TMEM82: variants seen among roughly 807,000 people sequenced by gnomAD.
TMEM82 encodes transmembrane protein 82.
Under a neutral mutation model 29.2 loss-of-function variants are expected in TMEM82, and 30 were observed. That is an observed-to-expected ratio of 1.03 (90% CI 0.77 to 1.39). The LOEUF is 1.39. Among genes scored for constraint, TMEM82 ranks in the 40% most tolerant of loss-of-function variants. The pLI is 0.00. For missense variants in TMEM82, 442 were observed against 447.7 expected (o/e 0.99, Z 0.12); for synonymous variants, 221 against 225.4 (o/e 0.98, Z 0.18).
intron 4 of TMEM82, among the ~76,000 whole-genome samples, chr1:15,746,041 T>G (rs111833509): frequency 0.081 from 12,260 of 151,638 alleles, 587 homozygotes; most frequent in African/African-American, 0.13. Context: ...AGGGTTTTTT[T>G]TTGTTGTTGT....
intron 4 of TMEM82, among the ~76,000 whole-genome samples, chr1:15,745,577 A>G (rs200415300): frequency 6.7e-6 from 1 of 148,746 alleles, no homozygotes; most frequent in Non-Finnish European, 1.5e-5. Context: ...GAGAGAGAGA[A>G]AGAGAGAGAG....
chr1:15,742,766 C>G, intron 1 of TMEM82, 69 bp from the exon 2 acceptor site: 1 of 1,552,164 alleles, frequency 6.4e-7, no homozygotes, highest in South Asian at 1.1e-5. Context: ...CCCCTCTGAC[C>G]CTACCAATGA....
In TMEM82 at chr1:15,742,510, C is replaced by G; in HGVS notation, c.-50C>G. On this transcript the variant is annotated 5_prime_UTR_variant, in exon 1 of 6. Transcript: ENST00000375782. ...GACACCTTTGCCCAGTGACGTTGGT[C>G]TGTCCTTACGCAGACCTGGCCGGAG... 1 of 1,432,634 alleles carries G rather than the reference C, an allele frequency of 7.0e-7. No individual in the cohort carries two copies. Among genetic ancestry groups the G allele is most frequent in the Non-Finnish European group, 9.3e-7 (1 of 1,070,052 alleles). The allele number at this position is 1,432,634 out of a possible 1,614,324, so 88.7% of individuals were successfully genotyped here.
In TMEM82 at chr1:15,744,539, C is replaced by T. The variant is rs142691865; in HGVS notation, c.716C>T (p.Pro239Leu). Residue 239 changes from proline (P) to leucine (L), a missense_variant, in exon 4 of 6, where the codon CCG becomes CTG. By Grantham distance (98) the Pro-to-Leu change is moderately conservative. Transcript: ENST00000375782. The surrounding 1 kb of genome is among the most constrained non-coding windows in gnomAD (Gnocchi z 5.2). ...TCGGAGGCCATGCGGTTCTGGACAC[C>T]GCTCACCATCTGCTACACGCTGCTG... is the stretch of plus-strand genomic sequence containing the variant. ...TTSEAMRFWT[P>L]LTICYTLLVI... 3.3e-5 allele frequency: 53 copies of T among 1,612,094 alleles called. No individual in the cohort carries two copies. Among genetic ancestry groups the T allele is most frequent in the African/African-American group, 1.2e-4 (9 of 74,938 alleles).
intron 4 of TMEM82, 136 bp from the exon 5 acceptor site, chr1:15,746,731 A>T: frequency 1.4e-6 from 1 of 719,240 alleles, no homozygotes; most frequent in Non-Finnish European, 2.3e-6. Context: ...CGGAGCAGGG[A>T]TGGGGACCAG....
chr1:15,743,236 C>T (rs773038019), intron 3 of TMEM82, 42 bp downstream of exon 3: 1 of 1,572,614 alleles, frequency 6.4e-7, no homozygotes, highest in Admixed American at 1.8e-5. Context: ...ACTCCCCAGC[C>T]CAGGGCCCGG....
chr1:15,743,221 G>A (rs1351901535), intron 3 of TMEM82, 27 bp downstream of exon 3: 1 of 1,593,644 alleles, frequency 6.3e-7, no homozygotes, highest in Non-Finnish European at 8.5e-7. Context: ...GGCAGTGGGT[G>A]GATCACTCCC....
rs1435406191 is a variant in TMEM82 at position 15,742,574 on chromosome 1, A to C, written c.15A>C (p.Pro5=). 2 of 1,587,864 alleles carry C rather than the reference A, an allele frequency of 1.3e-6. No homozygotes were observed. Among genetic ancestry groups the C allele is most frequent in the Non-Finnish European group, 1.7e-6 (2 of 1,169,294 alleles). ...CCGGGGCTGCCATGTTCTCTCTTCC[A>C]TCCCTCCCCTCCTGGCTCCCCGGCC... is the stretch of plus-strand genomic sequence containing the variant. MFSL[P]SLPSWLPGLP... The change falls in exon 1 of 6, where the codon CCA becomes CCC. Residue 5 remains proline, a synonymous_variant. Coordinates refer to ENST00000375782, the MANE Select transcript of TMEM82 (RefSeq NM_001013641.3).
Position 15,744,330 on chromosome 1 carries a change from C to T in TMEM82, c.507C>T (p.Arg169=). The change falls in exon 4 of 6, where the codon CGC becomes CGT. Residue 169 remains arginine, a synonymous_variant. Transcript: ENST00000375782. The surrounding 1 kb of genome is among the most constrained non-coding windows in gnomAD (Gnocchi z 5.2). ...CGCTGCTGGGCCTGGGTGCCCGGCG[C>T]CTCCACCGCCACGTCTGCCGCCTCT... The part of the protein sequence containing the change: ...LATLLGLGAR[R]LHRHVCRLYE... The T allele has an allele frequency of 6.5e-7, 1 of 1,543,698 alleles. No homozygotes were observed. The highest frequency in any genetic ancestry group is 8.7e-7 in the Non-Finnish European group (1 of 1,148,474).
In TMEM82 at chr1:15,742,855, G is replaced by A; in HGVS notation, c.109G>A (p.Val37Ile). The A allele has an allele frequency of 6.2e-7, 1 of 1,612,780 alleles. No individual in the cohort carries two copies. Among genetic ancestry groups the A allele is most frequent in the Non-Finnish European group, 8.5e-7 (1 of 1,179,936 alleles). Reference sequence around the variant, plus strand: ...CTCAGGCCTGATCGGGGCCCTTGGAGTCTTGGTCCTGAACAGCCTCCTGAA... The same window carrying A: ...CTCAGGCCTGATCGGGGCCCTTGGAATCTTGGTCCTGAACAGCCTCCTGAA... ...LLQGLIGALG[V>I]LVLNSLLKVY... The change falls in exon 2 of 6, where the codon GTC (valine) becomes ATC (isoleucine). Residue 37 changes from valine (V) to isoleucine (I), a missense_variant. By Grantham distance (29) the Val-to-Ile change is conservative. Transcript: ENST00000375782.
Position 15,746,962 on chromosome 1 carries a change from T to C in TMEM82, c.853T>C (p.Trp285Arg). 1.2e-6 allele frequency: 2 copies of C among 1,611,634 alleles called. No individual in the cohort carries two copies. Among genetic ancestry groups the C allele is most frequent in the Non-Finnish European group, 1.7e-6 (2 of 1,179,956 alleles). ...LFVLLLTVGR[W>R]LDLLGILVSL... is the part of the protein sequence containing the mutation. ...CGTGCTGCTGCTGACTGTGGGTCGC[T>C]GGCTGGACCTGCTGGGCATCCTTGT... The change falls in exon 5 of 6, where the codon TGG becomes CGG. Residue 285 changes from tryptophan (W) to arginine (R), a missense_variant. Physicochemically the swap from Trp to Arg is moderately radical, Grantham distance 101 (BLOSUM62 -3). Transcript: ENST00000375782.
intron 4 of TMEM82, 114 bp from the exon 5 acceptor site, chr1:15,746,752 TG>T: frequency 1.2e-6 from 1 of 831,310 alleles, no homozygotes; most frequent in Non-Finnish European, 1.9e-6. Flanking sequence ...GAGGATGTGA[TG>T]GGAGGAGGGC....
rs150205982 is a variant in TMEM82 at position 15,746,959 on chromosome 1, C to G, written c.850C>G (p.Arg284Gly). 3.7e-6 allele frequency: 6 copies of G among 1,611,430 alleles called. No homozygotes were observed. Among genetic ancestry groups the G allele is most frequent in the Admixed American group, 3.3e-5 (2 of 59,994 alleles). The change falls in exon 5 of 6, where the codon CGC (arginine) becomes GGC (glycine). Residue 284 changes from arginine to glycine, a missense_variant. By Grantham distance (125) the Arg-to-Gly change is moderately radical (BLOSUM62 -2). Transcript: ENST00000375782. ...CTTCGTGCTGCTGCTGACTGTGGGT[C>G]GCTGGCTGGACCTGCTGGGCATCCT... ...GLFVLLLTVG[R>G]WLDLLGILVS...
chr1:15,746,081 G>A (rs867685458), intron 4 of TMEM82, among the ~76,000 whole-genome samples: 1 of 150,730 alleles, frequency 6.6e-6, no homozygotes, highest in Non-Finnish European at 1.5e-5. Flanking sequence ...TTGCTCTGTC[G>A]CCCAGGCTAG....
chr1:15,745,448 G>C (rs528100352), intron 4 of TMEM82, among the ~76,000 whole-genome samples: 1 of 152,030 alleles, frequency 6.6e-6, no homozygotes, highest in African/African-American at 2.4e-5. Context: ...GAACCCAGGA[G>C]GTAGAGGTTG....
In TMEM82 at chr1:15,747,771, G is replaced by A. The variant is rs546926204; in HGVS notation, c.*139G>A. 10 of 699,886 alleles carry A rather than the reference G, an allele frequency of 1.4e-5. No homozygotes were observed. Among genetic ancestry groups the A allele is most frequent in the South Asian group, 7.6e-5 (3 of 39,420 alleles). 43.4% of individuals were successfully genotyped at this position (699,886 alleles called of 1,614,324 possible). ...GCTCAGCACAGGCCCTGGGAGCCCC[G>A]AGAAGGGAAGGCAGGATTTGGGGAT... On this transcript the variant is annotated 3_prime_UTR_variant, in exon 6 of 6. Coordinates refer to ENST00000375782, the MANE Select transcript of TMEM82 (RefSeq NM_001013641.3).
rs2068321132 is a variant in TMEM82, at chr1:15,744,618, C to T, written c.757+38C>T. ...GGGCCTGCTCCATTCAATCCACGCA[C>T]ATCCCTCTGTCTGGGTCAGGCTCCG... is the stretch of plus-strand genomic sequence containing the variant. On this transcript the variant is annotated intron_variant, in intron 4 of 5. Coordinates refer to ENST00000375782, the MANE Select transcript of TMEM82 (RefSeq NM_001013641.3). This position sits in a 1 kb window ranked among gnomAD's most constrained non-coding sequence, Gnocchi z 5.2. 1 of 1,555,084 alleles carries T rather than the reference C, an allele frequency of 6.4e-7. No homozygotes were observed.
rs141424353 is a variant in TMEM82, at chr1:15,747,905, G to T, written c.*273G>T. On this transcript the variant is annotated 3_prime_UTR_variant, in exon 6 of 6. Coordinates refer to ENST00000375782, the MANE Select transcript of TMEM82 (RefSeq NM_001013641.3). ...CCTGCCTTCCTGGGCAGGGGTGGGGGTGCATCCTCAGGAGGGCTCCCCCTT... is the reference window on the plus strand; with the variant it reads ...CCTGCCTTCCTGGGCAGGGGTGGGGTTGCATCCTCAGGAGGGCTCCCCCTT... The T allele has an allele frequency of 8.7e-3, 3,404 of 392,620 alleles. 29 individuals carry two copies. Among genetic ancestry groups the T allele is most frequent in the Middle Eastern group, 0.021 (32 of 1,508 alleles). The allele number at this position is 392,620 out of a possible 1,614,324, so 24.3% of individuals were successfully genotyped here. A position where few individuals can be genotyped will look rare whatever the true frequency, so the allele number is the denominator to read the frequency against.
At position 15,744,132 on chromosome 1, in the gene TMEM82, C is replaced by T; in HGVS notation, c.337-28C>T. On this transcript the variant is annotated intron_variant, in intron 3 of 5. Transcript: ENST00000375782. This position sits in a 1 kb window ranked among gnomAD's most constrained non-coding sequence, Gnocchi z 5.2. ...ACCTGTGGTGAGGCAGCCCCCACAT[C>T]TCGGCCCCTCTTCGGCACTCCCCGC... 1.4e-6 allele frequency: 2 copies of T among 1,473,962 alleles called. No homozygotes were observed. The highest frequency in any genetic ancestry group is 1.4e-5 in the South Asian group (1 of 73,232). 91.3% of individuals were successfully genotyped at this position (1,473,962 alleles called of 1,614,324 possible). A position where few individuals can be genotyped will look rare whatever the true frequency, so the allele number is the denominator to read the frequency against.
Sources: gnomAD v4.1 joint callset for allele counts (sites outside exome capture counted in the v4.1 genomes callset) on GRCh38, gnomAD v4.1.1 for gene constraint, Gnocchi (gnomAD v3.1) non-coding constraint, MANE v1.5 for transcripts, NCBI Gene and HGNC (gene_info 2026-07-23, HGNC 2026-07-21) for gene names.